The following MCC variants were observed in gnomAD, a reference collection of about 807,000 sequenced individuals.
The protein encoded by MCC is MCC regulator of Wnt signaling pathway, also known as colorectal mutant cancer protein.
Under a neutral mutation model 116.2 loss-of-function variants are expected in MCC, and 90 were observed. The observed-to-expected ratio is 0.77, with a 90% CI of 0.65 to 0.92. The LOEUF (loss-of-function observed/expected upper bound fraction) is 0.92, where lower values mean the gene tolerates loss of function less well. MCC is among the 40% of genes least tolerant of loss of function. The probability of loss-of-function intolerance (pLI) is 0.00; values close to 1 mark genes in which losing one functional copy is unlikely to be tolerated. For missense variants in MCC, 1,516 were observed against 1,312.2 expected (o/e 1.16, Z -2.40); for synonymous variants, 578 against 510.5 (o/e 1.13, Z -1.78).
At chr5:113,184,930 T>G (rs1761821679) in intron 3 of MCC, among the ~76,000 whole-genome samples, 1 of 152,216 alleles carries the variant, frequency 6.6e-6, no homozygotes, top group Non-Finnish European at 1.5e-5. Context: ...AAGAAAATGT[T>G]AGCCTGAGAG....
chr5:113,223,862 C>G (rs1763639994), intron 3 of MCC, among the ~76,000 whole-genome samples: 1 of 152,008 alleles, frequency 6.6e-6, no homozygotes, highest in South Asian at 2.1e-4. Flanking sequence ...ACATCTAGCC[C>G]AAAACTGGCA....
Position 113,339,408 on chromosome 5 carries a change from AGTGT to A in MCC, c.627+1107_627+1110del, listed in dbSNP as rs60886614. Among the ~76,000 whole-genome samples, 472 of 123,630 alleles carry A rather than the reference AGTGT, an allele frequency of 3.8e-3. 2 individuals carry two copies. Among genetic ancestry groups the A allele is most frequent in the African/African-American group, 0.011 (362 of 31,548 alleles). The allele number at this position is 123,630 out of a possible 152,430, so 81.1% of individuals were successfully genotyped here. On this transcript the variant is annotated intron_variant, in intron 3 of 18. Coordinates refer to ENST00000408903, the MANE Select transcript of MCC (RefSeq NM_001085377.2). ...GTCCATATTTTATCTAGGCTTCCTT[AGTGT>A]GTGTGTGTGTGTGTGTGTGTGTGTG...
intron 11 of MCC, among the ~76,000 whole-genome samples, chr5:113,078,001 C>G (rs1013629095): frequency 1.3e-5 from 2 of 152,176 alleles, no homozygotes; most frequent in African/African-American, 4.8e-5. Flanking sequence ...AAAATACAAA[C>G]TACCATCAGA....
At chr5:113,300,295 AC>A (rs956665348) in intron 3 of MCC, among the ~76,000 whole-genome samples, 9 of 151,946 alleles carry the variant, frequency 5.9e-5, no homozygotes, top group Non-Finnish European at 1.2e-4. Context: ...ATCCTTGCCT[AC>A]CCCAGCAGTC....
chr5:113,054,500 G>A (rs1261123235), intron 14 of MCC, among the ~76,000 whole-genome samples: 2 of 152,234 alleles, frequency 1.3e-5, no homozygotes, highest in African/African-American at 2.4e-5. Flanking sequence ...CCACAGATGC[G>A]TGTCACACCC....
chr5:113,217,070 A>G (rs1010123664), intron 3 of MCC, among the ~76,000 whole-genome samples: 1 of 152,244 alleles, frequency 6.6e-6, no homozygotes, highest in African/African-American at 2.4e-5. Context: ...GCTATGTTAT[A>G]GCATCACACT....
At chr5:113,445,394 G>C (rs1436105708) in intron 1 of MCC, among the ~76,000 whole-genome samples, 8 of 152,086 alleles carry the variant, frequency 5.3e-5, no homozygotes. Flanking sequence ...TTTCAGTAAA[G>C]TTTCAGGCTA....
At chr5:113,456,499 C>T (rs1036561887) in intron 1 of MCC, among the ~76,000 whole-genome samples, 3 of 152,006 alleles carry the variant, frequency 2.0e-5, no homozygotes, top group Admixed American at 6.6e-5. Flanking sequence ...CTCTGTTGCC[C>T]AGGCTGGAGT....
chr5:113,471,466 G>A (rs1772088336), intron 1 of MCC, among the ~76,000 whole-genome samples: 1 of 152,218 alleles, frequency 6.6e-6, no homozygotes, highest in Non-Finnish European at 1.5e-5. Flanking sequence ...GGTATCGGCA[G>A]CGGTGGCTGC....
At chr5:113,388,884 C>T (rs1279197884) in intron 1 of MCC, among the ~76,000 whole-genome samples, 1 of 152,140 alleles carries the variant, frequency 6.6e-6, no homozygotes, top group African/African-American at 2.4e-5. Context: ...CGGTCTGATT[C>T]TAGAGCTCTT....
intron 3 of MCC, among the ~76,000 whole-genome samples, chr5:113,265,516 A>C (rs1423289339): frequency 6.6e-6 from 1 of 152,154 alleles, no homozygotes; most frequent in Non-Finnish European, 1.5e-5. Flanking sequence ...GCAGCTCTAG[A>C]AATCTCAGGC....
intron 3 of MCC, among the ~76,000 whole-genome samples, chr5:113,154,318 T>C (rs1352666661): frequency 2.0e-5 from 3 of 152,316 alleles, no homozygotes; most frequent in East Asian, 3.9e-4. Flanking sequence ...TAGAATAAAA[T>C]ATGTCTCTTA....
At chr5:113,267,253 G>A (rs1332451196) in intron 3 of MCC, among the ~76,000 whole-genome samples, 2 of 151,906 alleles carry the variant, frequency 1.3e-5, no homozygotes, top group African/African-American at 4.8e-5. Context: ...GCAACCACTG[G>A]CACACCAAAA....
intron 5 of MCC, among the ~76,000 whole-genome samples, chr5:113,138,628 T>C (rs1243647848): frequency 6.6e-6 from 1 of 152,198 alleles, no homozygotes; most frequent in Non-Finnish European, 1.5e-5. Flanking sequence ...TGAGCCACCT[T>C]GTCTATGATA....
At chr5:113,330,693 G>C (rs1767677798) in intron 3 of MCC, among the ~76,000 whole-genome samples, 1 of 152,188 alleles carries the variant, frequency 6.6e-6, no homozygotes, top group Admixed American at 6.5e-5. Flanking sequence ...GAAAGGCAAA[G>C]AAATGCAAAG....
chr5:113,201,276 C>T (rs1315555247), intron 3 of MCC, among the ~76,000 whole-genome samples: 1 of 151,626 alleles, frequency 6.6e-6, no homozygotes, highest in Non-Finnish European at 1.5e-5. Flanking sequence ...ATCCCAGCTA[C>T]TCGGGAGGCT....
At chr5:113,052,444 T>C (rs1453297109) in intron 15 of MCC, among the ~76,000 whole-genome samples, 2 of 135,098 alleles carry the variant, frequency 1.5e-5, no homozygotes, top group Admixed American at 9.0e-5. Context: ...TTGATGAAGA[T>C]GAGCCAGTTT....
At chr5:113,103,950 T>C (rs145563099) in intron 7 of MCC, among the ~76,000 whole-genome samples, 33 of 152,284 alleles carry the variant, frequency 2.2e-4, no homozygotes, top group African/African-American at 7.9e-4. Context: ...CCAAGTAAAT[T>C]GTCCTTTTTA....
At chr5:113,216,480 T>A (rs186443770) in intron 3 of MCC, among the ~76,000 whole-genome samples, 8 of 152,326 alleles carry the variant, frequency 5.3e-5, no homozygotes, top group Non-Finnish European at 1.0e-4. Flanking sequence ...GTAAGCATTT[T>A]TGTCTTCCCC....
Sources: gnomAD v4.1 joint callset for allele counts (sites outside exome capture counted in the v4.1 genomes callset) on GRCh38, gnomAD v4.1.1 for gene constraint, MANE v1.5 for transcripts, NCBI Gene and HGNC (gene_info 2026-07-23, HGNC 2026-07-21) for gene names.